XYLT1: variants seen among roughly 807,000 people sequenced by gnomAD.
XYLT1 encodes the protein xylosyltransferase 1.
Under a neutral mutation model 91.3 loss-of-function variants are expected in XYLT1, and 36 were observed. That is an observed-to-expected ratio of 0.39 (90% confidence interval 0.30 to 0.52). The LOEUF is 0.52. Ranked by LOEUF, XYLT1 falls within the 20% of genes least tolerant of loss-of-function variation. The probability of loss-of-function intolerance (pLI) is 0.68; values close to 1 mark genes in which losing one functional copy is unlikely to be tolerated. For missense variants in XYLT1, 1,242 were observed against 1,284.5 expected (o/e 0.97, Z 0.51); for synonymous variants, 588 against 532.0 (o/e 1.11, Z -1.45).
At chr16:17,248,938 G>A (rs2033490673) in intron 3 of XYLT1, among the ~76,000 whole-genome samples, 1 of 151,660 alleles carries the variant, frequency 6.6e-6, no homozygotes, top group African/African-American at 2.4e-5. Flanking sequence ...TGTTGGCTAG[G>A]CTGGTATCAA....
At chr16:17,454,906 CCCCCCCG>C (rs2036718674) in intron 1 of XYLT1, among the ~76,000 whole-genome samples, 1 of 63,034 alleles carries the variant, frequency 1.6e-5, no homozygotes, top group Admixed American at 1.5e-4. Context: ...TCTTTCCTCC[CCCCCCCG>C]CCCCCCCCCG....
chr16:17,296,960 C>T (rs890734029), intron 2 of XYLT1, among the ~76,000 whole-genome samples: 3 of 152,236 alleles, frequency 2.0e-5, no homozygotes, highest in Non-Finnish European at 2.9e-5. Flanking sequence ...AATGACTTTC[C>T]GAGTTTCTTT....
intron 5 of XYLT1, among the ~76,000 whole-genome samples, chr16:17,175,697 C>A (rs1209586495): frequency 6.6e-6 from 1 of 152,206 alleles, no homozygotes; most frequent in East Asian, 1.9e-4. Context: ...GGGATCCAGA[C>A]CTTCCCCCAG....
At chr16:17,124,531 T>G (rs1175724728) in intron 10 of XYLT1, among the ~76,000 whole-genome samples, 1 of 152,196 alleles carries the variant, frequency 6.6e-6, no homozygotes, top group Non-Finnish European at 1.5e-5. Context: ...CTTTTGCCTC[T>G]TAAGGTTATT....
intron 3 of XYLT1, among the ~76,000 whole-genome samples, chr16:17,254,012 G>A (rs1159228429): frequency 6.6e-6 from 1 of 152,144 alleles, no homozygotes; most frequent in African/African-American, 2.4e-5. Flanking sequence ...CTGGCCATGT[G>A]TTTCTGGCCA....
At chr16:17,137,855 A>G (rs1326439829) in intron 8 of XYLT1, among the ~76,000 whole-genome samples, 1 of 152,248 alleles carries the variant, frequency 6.6e-6, no homozygotes, top group African/African-American at 2.4e-5. Flanking sequence ...TTTCTCAACC[A>G]GAGGTGCTGC....
intron 2 of XYLT1, among the ~76,000 whole-genome samples, chr16:17,287,362 A>T (rs1309310283): frequency 2.0e-5 from 3 of 152,030 alleles, no homozygotes; most frequent in African/African-American, 7.2e-5. Flanking sequence ...ATCCCTCTAG[A>T]TCATACTCCT....
Position 17,108,190 on chromosome 16 carries a change from C to G in XYLT1, c.*505G>C, listed in dbSNP as rs1166849791. On this transcript the variant is annotated 3_prime_UTR_variant, in exon 12 of 12. Transcript: ENST00000261381. ...GCTTGTCAAACTGGCATTTGCAGAG[C>G]CCTTGGGTTCTGAAGAGGTACCGTA... is the stretch of plus-strand genomic sequence containing the variant. 2 of 153,168 alleles carry G rather than the reference C, an allele frequency of 1.3e-5. No homozygotes were observed. Among genetic ancestry groups the G allele is most frequent in the Non-Finnish European group, 2.9e-5 (2 of 68,462 alleles). 9.5% of individuals were successfully genotyped at this position (153,168 alleles called of 1,614,324 possible).
chr16:17,285,035 T>A (rs1277109331), intron 2 of XYLT1, among the ~76,000 whole-genome samples: 1 of 152,154 alleles, frequency 6.6e-6, no homozygotes, highest in African/African-American at 2.4e-5. Flanking sequence ...AAGAGCCCAC[T>A]CACCCACTGC....
At chr16:17,274,461 C>T (rs992186993) in intron 2 of XYLT1, among the ~76,000 whole-genome samples, 3 of 152,042 alleles carry the variant, frequency 2.0e-5, no homozygotes, top group African/African-American at 7.2e-5. Flanking sequence ...ACAGATGGGG[C>T]AGGGGAAAAG....
intron 1 of XYLT1, among the ~76,000 whole-genome samples, chr16:17,460,252 AAC>A (rs1327094094): frequency 6.6e-6 from 1 of 152,216 alleles, no homozygotes; most frequent in Non-Finnish European, 1.5e-5. Flanking sequence ...GGTCACGGGA[AAC>A]ACAGAGTGAG....
chr16:17,111,037 G>A (rs1253969825), intron 11 of XYLT1, among the ~76,000 whole-genome samples: 2 of 152,154 alleles, frequency 1.3e-5, no homozygotes, highest in East Asian at 1.9e-4. Context: ...GCTGATGCCT[G>A]TAATCCCAGG....
In XYLT1 at chr16:17,129,072, GAAAAAAAAAAA is replaced by G. The variant is rs34234422; in HGVS notation, c.2028-1222_2028-1212del. Reference sequence around the variant, plus strand: ...ACTGGGATGCCTTCCAGGGAGCATAGAAAAAAAAAAAAAAAAAAAAAAAAACTTGAACAGTC... The same window carrying G: ...ACTGGGATGCCTTCCAGGGAGCATAGAAAAAAAAAAAAAACTTGAACAGTC... On this transcript the variant is annotated intron_variant, in intron 9 of 11. Coordinates refer to ENST00000261381, the MANE Select transcript of XYLT1 (RefSeq NM_022166.4). Among the ~76,000 whole-genome samples, 67 of 95,214 alleles carry G rather than the reference GAAAAAAAAAAA, an allele frequency of 7.0e-4. No homozygotes were observed. The East Asian group carries it at 0.016, about 22-fold the overall frequency. 62.5% of individuals were successfully genotyped at this position (95,214 alleles called of 152,430 possible).
At chr16:17,393,375 G>C (rs1037812156) in intron 1 of XYLT1, among the ~76,000 whole-genome samples, 1 of 152,200 alleles carries the variant, frequency 6.6e-6, no homozygotes, top group African/African-American at 2.4e-5. Flanking sequence ...GAGTGGTGAA[G>C]TGTGGGCTTT....
chr16:17,430,355 G>C (rs1279570462), intron 1 of XYLT1, among the ~76,000 whole-genome samples: 1 of 152,214 alleles, frequency 6.6e-6, no homozygotes, highest in Admixed American at 6.5e-5. Context: ...TGCTCAACCA[G>C]TAAGTATAAC....
rs530290237 is a variant in XYLT1, at chr16:17,260,269, G to A, written c.403-771C>T. On this transcript the variant is annotated intron_variant, in intron 2 of 11. Transcript: ENST00000261381. ...TGGACCCCAAACTCAGCTCCTCCAT[G>A]GGTAAATGGGTCCTGGTTACTTTGA... Among the ~76,000 whole-genome samples, 12 of 152,258 alleles carry A rather than the reference G, an allele frequency of 7.9e-5. 1 individual carries two copies. In the South Asian group the frequency reaches 2.5e-3, roughly 32 times the overall value.
At position 17,105,925 on chromosome 16, in the gene XYLT1, A is replaced by C. The variant is rs528782003; in HGVS notation, c.*2770T>G. The C allele has an allele frequency of 7.2e-4, 110 of 152,234 alleles. No individual in the cohort carries two copies. Among genetic ancestry groups the C allele is most frequent in the African/African-American group, 2.1e-3 (88 of 41,548 alleles). 9.4% of individuals were successfully genotyped at this position (152,234 alleles called of 1,614,324 possible). On this transcript the variant is annotated 3_prime_UTR_variant, in exon 12 of 12. Transcript: ENST00000261381. ...TTTGTTTGGGATTTTCCTTAAAAAA[A>C]AAAACAAAACACAAAAACACAACAA...
chr16:17,163,250 C>T (rs1036909902), intron 5 of XYLT1, among the ~76,000 whole-genome samples: 2 of 152,186 alleles, frequency 1.3e-5, no homozygotes, highest in East Asian at 1.9e-4. Flanking sequence ...TAGGGACTGG[C>T]TCCCAGAGGG....
intron 1 of XYLT1, among the ~76,000 whole-genome samples, chr16:17,401,226 G>T (rs1049922898): frequency 6.6e-6 from 1 of 152,186 alleles, no homozygotes; most frequent in African/African-American, 2.4e-5. Context: ...GGACGAGGAA[G>T]CAAGGGAAAC....
Sources: gnomAD v4.1 joint callset for allele counts (sites outside exome capture counted in the v4.1 genomes callset) on GRCh38, gnomAD v4.1.1 for gene constraint, MANE v1.5 for transcripts, NCBI Gene and HGNC (gene_info 2026-07-23, HGNC 2026-07-21) for gene names.